Variants in KIAA0825 observed in about 807,000 individuals in gnomAD.
KIAA0825 encodes uncharacterized protein KIAA0825.
Under a neutral mutation model 147.6 loss-of-function variants are expected in KIAA0825, and 119 were observed. The observed-to-expected ratio is 0.81, with a 90% CI of 0.69 to 0.94. The LOEUF is 0.94. KIAA0825 is among the 40% of genes least tolerant of loss of function. The pLI, the probability that KIAA0825 is intolerant of heterozygous loss-of-function variation, is 0.00. For synonymous variants in KIAA0825, 470 were observed against 518.1 expected (o/e 0.91, Z 1.26); for missense variants, 1,381 against 1,472.7 (o/e 0.94, Z 1.02).
At chr5:94,593,650 G>A in intron 1 of KIAA0825, 1 of 434,290 alleles carries the variant, frequency 2.3e-6, no homozygotes, top group South Asian at 2.5e-5. Flanking sequence ...GGGAACAATG[G>A]AAGATATAGA....
intron 20 of KIAA0825, among the ~76,000 whole-genome samples, chr5:94,276,525 A>G (rs1390059405): frequency 6.6e-6 from 1 of 151,856 alleles, no homozygotes; most frequent in Non-Finnish European, 1.5e-5. Flanking sequence ...TAAAATCGCT[A>G]TGCCGCTTAT....
chr5:94,408,405 A>G (rs1752343803), intron 15 of KIAA0825, among the ~76,000 whole-genome samples: 1 of 152,052 alleles, frequency 6.6e-6, no homozygotes, highest in South Asian at 2.1e-4. Context: ...GCTGGAATGC[A>G]ATGGTGCGAT....
intron 3 of KIAA0825, among the ~76,000 whole-genome samples, chr5:94,529,258 A>G (rs546996477): frequency 1.9e-3 from 258 of 134,812 alleles, no homozygotes; most frequent in African/African-American, 5.3e-3. Context: ...ATATATGTAT[A>G]TATCATATAT....
At chr5:94,376,534 C>T (rs1023164033) in intron 20 of KIAA0825, among the ~76,000 whole-genome samples, 1 of 152,116 alleles carries the variant, frequency 6.6e-6, no homozygotes, top group African/African-American at 2.4e-5. Context: ...GTACCAATTC[C>T]CTTAGCCCTA....
intron 2 of KIAA0825, among the ~76,000 whole-genome samples, chr5:94,574,572 A>G (rs1780649551): frequency 6.6e-6 from 1 of 151,626 alleles, no homozygotes; most frequent in African/African-American, 2.4e-5. Flanking sequence ...AAAAGAAAAA[A>G]AAAGAAAGGA....
chr5:94,488,424 C>T (rs545107295), intron 5 of KIAA0825, among the ~76,000 whole-genome samples: 1 of 152,082 alleles, frequency 6.6e-6, no homozygotes, highest in Admixed American at 6.5e-5. Context: ...TTAGGAAATA[C>T]ACAGTTCTCC....
intron 20 of KIAA0825, among the ~76,000 whole-genome samples, chr5:94,209,495 C>A (rs147446422): frequency 2.0e-5 from 3 of 152,098 alleles, no homozygotes; most frequent in African/African-American, 7.2e-5. Context: ...TGCTGTGGGG[C>A]GGTAAGGAGG....
chr5:94,532,727 G>A (rs1771067319), intron 3 of KIAA0825, among the ~76,000 whole-genome samples: 1 of 148,532 alleles, frequency 6.7e-6, no homozygotes, highest in Non-Finnish European at 1.5e-5. Flanking sequence ...TAGAGATGGG[G>A]TATTGCTATG....
chr5:94,544,610 GCTTTACTACATGT>G (rs1257388325), intron 2 of KIAA0825, among the ~76,000 whole-genome samples: 6 of 152,226 alleles, frequency 3.9e-5, no homozygotes, highest in Non-Finnish European at 8.8e-5. Flanking sequence ...TTTCAGGTTT[GCTTTACTACATGT>G]CTTTACTGAC....
At chr5:94,510,788 G>A (rs546489425) in intron 5 of KIAA0825, among the ~76,000 whole-genome samples, 13 of 152,298 alleles carry the variant, frequency 8.5e-5, no homozygotes, top group Admixed American at 2.0e-4. Flanking sequence ...GGCATGCAGA[G>A]GAATGATTGG....
intron 14 of KIAA0825, among the ~76,000 whole-genome samples, chr5:94,432,359 A>G (rs1037204483): frequency 2.0e-5 from 3 of 152,168 alleles, no homozygotes; most frequent in Admixed American, 6.5e-5. Flanking sequence ...ACTTAAAGAC[A>G]AGAAGCCTTA....
chr5:94,359,476 G>C (rs1045635337), intron 20 of KIAA0825, among the ~76,000 whole-genome samples: 2 of 152,148 alleles, frequency 1.3e-5, no homozygotes, highest in African/African-American at 4.8e-5. Flanking sequence ...GTGTGCTGAG[G>C]CCATGTGCAG....
At chr5:94,594,643 A>C in intron 1 of KIAA0825, 2 of 632,382 alleles carry the variant, frequency 3.2e-6, no homozygotes, top group Admixed American at 4.8e-5. Flanking sequence ...ATAAAAGGAA[A>C]ATCTTCTATG....
intron 14 of KIAA0825, among the ~76,000 whole-genome samples, chr5:94,421,005 G>A (rs1232044519): frequency 3.3e-5 from 5 of 151,938 alleles, no homozygotes; most frequent in East Asian, 1.9e-4. Context: ...TGAAATCCTC[G>A]TCTCTCTTGA....
intron 20 of KIAA0825, among the ~76,000 whole-genome samples, chr5:94,194,606 C>T (rs568529691): frequency 2.6e-4 from 40 of 152,336 alleles, no homozygotes; most frequent in Admixed American, 7.8e-4. Flanking sequence ...CACCACCAGG[C>T]CGCAGAGGGA....
chr5:94,391,717 C>A, intron 17 of KIAA0825, 23 bp from the exon 18 acceptor site: 1 of 1,498,004 alleles, frequency 6.7e-7, no homozygotes, highest in Non-Finnish European at 8.9e-7. Context: ...AAAGCATATA[C>A]ATATCAGTAG....
intron 6 of KIAA0825, among the ~76,000 whole-genome samples, chr5:94,484,491 T>C (rs1044438913): frequency 6.6e-6 from 1 of 151,822 alleles, no homozygotes; most frequent in Non-Finnish European, 1.5e-5. Flanking sequence ...AGGCTAGTTG[T>C]GTTTCTTTGA....
intron 20 of KIAA0825, among the ~76,000 whole-genome samples, chr5:94,285,894 G>A (rs572466784): frequency 1.2e-4 from 18 of 152,206 alleles, no homozygotes; most frequent in East Asian, 3.9e-4. Flanking sequence ...AGCTAGAGTC[G>A]AGGTGGGAGT....
chr5:94,391,622 T>C lies in KIAA0825; in HGVS notation c.3369A>G (p.Lys1123=). 1 of 1,551,630 alleles carries C rather than the reference T, an allele frequency of 6.4e-7. No individual in the cohort carries two copies. Among genetic ancestry groups the C allele is most frequent in the Non-Finnish European group, 8.7e-7 (1 of 1,146,956 alleles). The stretch of plus-strand genomic sequence containing the variant: ...AGAGATCCAGGACCATCGTGTTTAT[T>C]TTCTGCTCAGTCAGTTCAAGAGCAA... ...GDVALELTEQ[K]INTMVLDLCH... is the part of the protein sequence containing the mutation. Residue 1123 remains lysine (K), a synonymous_variant, in exon 18 of 21, where the codon AAA becomes AAG. Transcript: ENST00000682413.
Sources: allele counts gnomAD v4.1 joint callset (sites outside exome capture counted in the v4.1 genomes callset), GRCh38; gene constraint gnomAD v4.1.1; transcripts MANE v1.5; gene names NCBI Gene and HGNC (gene_info 2026-07-23, HGNC 2026-07-21).